BAZ2B: variants seen among roughly 807,000 people sequenced by gnomAD.
BAZ2B encodes the protein bromodomain adjacent to zinc finger domain 2B.
Under a neutral mutation model 246.0 loss-of-function variants are expected in BAZ2B, and 91 were observed. That is an observed-to-expected ratio of 0.37 (90% CI 0.31 to 0.44). The LOEUF (loss-of-function observed/expected upper bound fraction) is 0.44, where lower values mean the gene tolerates loss of function less well. Among genes scored for constraint, BAZ2B ranks in the 20% least tolerant of loss-of-function variants. BAZ2B has a pLI of 1.00. For synonymous variants in BAZ2B, 855 were observed against 860.0 expected, an observed-to-expected ratio of 0.99 and a Z score of 0.10; for missense variants, 2,332 against 2,533.7, an observed-to-expected ratio of 0.92 and a Z score of 1.71.
At chr2:159,385,678 C>G in intron 22 of BAZ2B, among the ~76,000 whole-genome samples, 1 of 152,032 alleles carries the variant, frequency 6.6e-6, no homozygotes, top group South Asian at 2.1e-4. Flanking sequence ...GCGACACCAA[C>G]CTTTCCCCAA....
chr2:159,427,714 C>A (rs1232921633), intron 13 of BAZ2B, among the ~76,000 whole-genome samples: 1 of 151,972 alleles, frequency 6.6e-6, no homozygotes, highest in Non-Finnish European at 1.5e-5. Flanking sequence ...AATTAATAAA[C>A]AGAAAAAATT....
At chr2:159,631,234 T>C in the BAZ2B span, among the ~76,000 whole-genome samples, 5 of 152,210 alleles carry the variant, frequency 3.3e-5, no homozygotes, top group East Asian at 9.7e-4. Context: ...AAAAAATGAA[T>C]ATGTTGGTGT....
At chr2:159,593,816 C>T (rs888909854) in intron 1 of BAZ2B, among the ~76,000 whole-genome samples, 2 of 152,124 alleles carry the variant, frequency 1.3e-5, no homozygotes, top group South Asian at 2.1e-4. Context: ...CGTATCTCCT[C>T]GGGGACAAGG....
chr2:159,614,352 A>T (rs1695391390), intron 1 of BAZ2B, among the ~76,000 whole-genome samples: 2 of 152,298 alleles, frequency 1.3e-5, no homozygotes, highest in South Asian at 4.1e-4. Flanking sequence ...CTGCCTCTTA[A>T]ATACTCAATA....
chr2:159,689,545 T>G, the BAZ2B span: 6 of 229,614 alleles, frequency 2.6e-5, no homozygotes, highest in Non-Finnish European at 4.2e-5. Flanking sequence ...CTTATTTTTT[T>G]GTATTTTTAG....
intron 2 of BAZ2B, among the ~76,000 whole-genome samples, chr2:159,549,900 T>G (rs1467984243): frequency 2.0e-5 from 3 of 151,236 alleles, no homozygotes; most frequent in African/African-American, 2.4e-5. Context: ...CTCAGCTCAC[T>G]GCAACCTCCG....
At chr2:159,586,753 A>G in intron 1 of BAZ2B, among the ~76,000 whole-genome samples, 1 of 152,096 alleles carries the variant, frequency 6.6e-6, no homozygotes, top group East Asian at 1.9e-4. Flanking sequence ...ATAACTAAAA[A>G]CATATTGAAA....
At chr2:159,564,712 TG>T (rs1480297593) in intron 1 of BAZ2B, among the ~76,000 whole-genome samples, 1 of 152,050 alleles carries the variant, frequency 6.6e-6, no homozygotes, top group African/African-American at 2.4e-5. Flanking sequence ...GGATTGCTGG[TG>T]GTGGTAGTGG....
chr2:159,619,511 T>C (rs1343911394), upstream of BAZ2B, among the ~76,000 whole-genome samples: 1 of 151,246 alleles, frequency 6.6e-6, no homozygotes, highest in Non-Finnish European at 1.5e-5. Context: ...GTATCTCAAA[T>C]TCATAAATAT....
chr2:159,676,647 G>GCGCACACACACACA, the BAZ2B span, among the ~76,000 whole-genome samples: 1 of 132,544 alleles, frequency 7.5e-6, no homozygotes, highest in Non-Finnish European at 1.6e-5. Context: ...GTATCTAAAT[G>GCGCACACACACACA]CACACACACA....
chr2:159,520,427 T>C (rs966414730), intron 2 of BAZ2B, among the ~76,000 whole-genome samples: 2 of 152,184 alleles, frequency 1.3e-5, no homozygotes, highest in Non-Finnish European at 2.9e-5. Flanking sequence ...AAGCTTTCTC[T>C]ACATAATTTA....
chr2:159,680,190 T>C, the BAZ2B span, among the ~76,000 whole-genome samples: 2 of 152,184 alleles, frequency 1.3e-5, no homozygotes, highest in Admixed American at 6.5e-5. Flanking sequence ...GAAAAAAGTA[T>C]AATCTTACAA....
chr2:159,564,559 A>T (rs886583136), intron 1 of BAZ2B, among the ~76,000 whole-genome samples: 6 of 152,222 alleles, frequency 3.9e-5, no homozygotes, highest in Non-Finnish European at 8.8e-5. Context: ...TGGTGAAAAA[A>T]GTGATTATTT....
the BAZ2B span, among the ~76,000 whole-genome samples, chr2:159,661,746 T>C: frequency 2.0e-5 from 3 of 151,896 alleles, no homozygotes; most frequent in Admixed American, 6.6e-5. Context: ...TCAGTGGCAT[T>C]TAGTACATTC....
Position 159,389,598 on chromosome 2 carries a change from T to C in BAZ2B, c.3076-113A>G, listed in dbSNP as rs763432463. The stretch of plus-strand genomic sequence containing the variant: ...TTTGCTTTTCATTAATCTTACTCTC[T>C]AATTTTCAAAATAATCTTATGACTG... On this transcript the variant is annotated intron_variant, in intron 20 of 36. Transcript: ENST00000392783. 8.0e-5 allele frequency: 75 copies of C among 938,420 alleles called. No homozygotes were observed. The Admixed American group carries it at 1.8e-3, about 22-fold the overall frequency. The allele number at this position is 938,420 out of a possible 1,614,324, so 58.1% of individuals were successfully genotyped here.
chr2:159,533,730 T>A (rs1326846536), intron 2 of BAZ2B, among the ~76,000 whole-genome samples: 2 of 152,220 alleles, frequency 1.3e-5, no homozygotes, highest in African/African-American at 2.4e-5. Context: ...TAACCCGGCA[T>A]TTCTGATCCT....
At chr2:159,363,825 A>G (rs3771687) in intron 27 of BAZ2B, among the ~76,000 whole-genome samples, 117,488 of 152,018 alleles carry the variant, frequency 0.77, 46,427 homozygotes, top group Middle Eastern at 0.89. Flanking sequence ...ACAGACTTGA[A>G]TAATTATTGG....
At chr2:159,550,123 C>T (rs1198485134) in intron 2 of BAZ2B, among the ~76,000 whole-genome samples, 2 of 152,080 alleles carry the variant, frequency 1.3e-5, no homozygotes, top group Non-Finnish European at 2.9e-5. Context: ...TTAAAAAAGG[C>T]GTGAGCCACC....
intron 3 of BAZ2B, chr2:159,462,975 A>G (rs2076596853): frequency 1.0e-6 from 1 of 955,492 alleles, no homozygotes; most frequent in Admixed American, 1.8e-5. Flanking sequence ...TGTAAAGGAA[A>G]TTTTGTTTCT....
Sources: allele counts gnomAD v4.1 joint callset (sites outside exome capture counted in the v4.1 genomes callset), GRCh38; gene constraint gnomAD v4.1.1; transcripts MANE v1.5; gene names NCBI Gene and HGNC (gene_info 2026-07-23, HGNC 2026-07-21).